LGSN: variants seen among roughly 807,000 people sequenced by gnomAD.
LGSN encodes the protein lengsin, lens protein with glutamine synthetase domain.
Under a neutral mutation model 19.5 loss-of-function variants are expected in LGSN, and 21 were observed. The observed-to-expected ratio is 1.07, with a 90% confidence interval of 0.76 to 1.55. The LOEUF is 1.55. Among genes scored for constraint, LGSN ranks in the 40% most tolerant of loss-of-function variants. The pLI is 0.00. For missense variants in LGSN, 673 were observed against 608.5 expected, an observed-to-expected ratio of 1.11 and a Z score of -1.12; for synonymous variants, 257 against 215.6, an observed-to-expected ratio of 1.19 and a Z score of -1.68.
At chr6:63,330,422 G>T in the LGSN span, among the ~76,000 whole-genome samples, 1 of 152,150 alleles carries the variant, frequency 6.6e-6, no homozygotes, top group Non-Finnish European at 1.5e-5. Context: ...TCTAGATTTT[G>T]TTCAAGGCTC....
At chr6:63,382,247 ATACT>A in the LGSN span, among the ~76,000 whole-genome samples, 1 of 152,254 alleles carries the variant, frequency 6.6e-6, no homozygotes, top group Non-Finnish European at 1.5e-5. Context: ...TTCACTATAA[ATACT>A]TACTAGTAAT....
chr6:63,440,181 T>C, the LGSN span, among the ~76,000 whole-genome samples: 26 of 152,332 alleles, frequency 1.7e-4, no homozygotes, highest in African/African-American at 5.8e-4. Flanking sequence ...AAACCCTGGC[T>C]GCCTTCAAGC....
At chr6:63,318,989 A>G (rs1265107989) in intron 1 of LGSN, among the ~76,000 whole-genome samples, 1 of 152,202 alleles carries the variant, frequency 6.6e-6, no homozygotes, top group Non-Finnish European at 1.5e-5. Flanking sequence ...CAACAGTGAC[A>G]TGACAGTACA....
chr6:63,317,777 G>A (rs1335623816), intron 1 of LGSN, among the ~76,000 whole-genome samples: 1 of 152,094 alleles, frequency 6.6e-6, no homozygotes, highest in Non-Finnish European at 1.5e-5. Flanking sequence ...TGCAGAGCAG[G>A]ATGAGTCTCT....
the LGSN span, among the ~76,000 whole-genome samples, chr6:63,481,126 A>G: frequency 6.6e-6 from 1 of 151,970 alleles, no homozygotes; most frequent in Non-Finnish European, 1.5e-5. Flanking sequence ...GTGAAAAACC[A>G]AAAAACCGTG....
chr6:63,415,747 A>G, the LGSN span, among the ~76,000 whole-genome samples: 2 of 152,196 alleles, frequency 1.3e-5, no homozygotes, highest in Non-Finnish European at 2.9e-5. Context: ...AAGTCAAAAG[A>G]GCTTCTCCAA....
the LGSN span, among the ~76,000 whole-genome samples, chr6:63,435,788 G>A: frequency 6.7e-6 from 1 of 150,326 alleles, no homozygotes; most frequent in Non-Finnish European, 1.5e-5. Flanking sequence ...ATATTGAATT[G>A]AATAAAAAAT....
the LGSN span, among the ~76,000 whole-genome samples, chr6:63,495,664 G>A: frequency 2.3e-4 from 35 of 151,552 alleles, no homozygotes; most frequent in African/African-American, 8.2e-4. Context: ...TGACCAGGCT[G>A]GTCTTGAACT....
the LGSN span, among the ~76,000 whole-genome samples, chr6:63,378,880 T>C: frequency 6.6e-6 from 1 of 152,224 alleles, no homozygotes; most frequent in Non-Finnish European, 1.5e-5. Context: ...ACTATAGCAA[T>C]TACTTTGTAA....
chr6:63,355,674 CTCTG>C, the LGSN span, among the ~76,000 whole-genome samples: 1 of 152,106 alleles, frequency 6.6e-6, no homozygotes, highest in Non-Finnish European at 1.5e-5. Flanking sequence ...CACTCCAGTA[CTCTG>C]TCTTTTTGTT....
At chr6:63,301,704 T>A (rs1373027249) in intron 1 of LGSN, among the ~76,000 whole-genome samples, 4 of 152,196 alleles carry the variant, frequency 2.6e-5, no homozygotes, top group Non-Finnish European at 5.9e-5. Context: ...GAATTTATTG[T>A]AGTATTAATA....
the LGSN span, among the ~76,000 whole-genome samples, chr6:63,474,608 C>CAAA: frequency 8.4e-6 from 1 of 118,388 alleles, no homozygotes; most frequent in Admixed American, 8.9e-5. Flanking sequence ...GACTCCATCT[C>CAAA]AAAAAAAAAA....
At chr6:63,505,579 A>AAG in the LGSN span, among the ~76,000 whole-genome samples, 11 of 20,586 alleles carry the variant, frequency 5.3e-4, 1 homozygote, top group African/African-American at 3.4e-3. Flanking sequence ...GAAAGAAAGA[A>AAG]AGAAAGAAAG....
the LGSN span, among the ~76,000 whole-genome samples, chr6:63,505,564 AAAAAGAAAGAAAGAAAGAAAGAAAG>A: frequency 4.3e-3 from 406 of 95,262 alleles, 49 homozygotes; most frequent in Non-Finnish European, 7.4e-3. Context: ...AAAAAAAAAA[AAAAAGAAAGAAAGAAAGAAAGAAAG>A]AAAGAAAGAA....
chr6:63,330,191 T>C, the LGSN span, among the ~76,000 whole-genome samples: 32 of 152,226 alleles, frequency 2.1e-4, no homozygotes, highest in Non-Finnish European at 4.1e-4. Flanking sequence ...TTATTTCTCA[T>C]TGGACAATGT....
At chr6:63,283,657 C>T (rs1767411740) in intron 3 of LGSN, among the ~76,000 whole-genome samples, 1 of 148,742 alleles carries the variant, frequency 6.7e-6, no homozygotes, top group African/African-American at 2.5e-5. Flanking sequence ...GGTACACACA[C>T]ACACACACGA....
chr6:63,471,359 T>C, the LGSN span, among the ~76,000 whole-genome samples: 1 of 151,806 alleles, frequency 6.6e-6, no homozygotes, highest in Non-Finnish European at 1.5e-5. Context: ...GATTACACAA[T>C]AGTTGGCTAA....
At chr6:63,554,482 A>G in the LGSN span, among the ~76,000 whole-genome samples, 1 of 152,134 alleles carries the variant, frequency 6.6e-6, no homozygotes, top group Non-Finnish European at 1.5e-5. Flanking sequence ...GCCTTCCCAT[A>G]GCACACAATA....
At chr6:63,333,419 CA>C in the LGSN span, among the ~76,000 whole-genome samples, 1 of 124,532 alleles carries the variant, frequency 8.0e-6, no homozygotes, top group Non-Finnish European at 1.6e-5. Context: ...CAAAACCAGG[CA>C]AAAAAAGAAA....
Sources: gnomAD v4.1 joint callset for allele counts (sites outside exome capture counted in the v4.1 genomes callset) on GRCh38, gnomAD v4.1.1 for gene constraint, MANE v1.5 for transcripts, NCBI Gene and HGNC (gene_info 2026-07-23, HGNC 2026-07-21) for gene names.